GPSM2: variants seen among roughly 807,000 people sequenced by gnomAD.
GPSM2 encodes G protein-signaling modulator 2.
GPSM2 carries 58 observed loss-of-function variants against 78.4 expected under a neutral mutation model. The observed-to-expected ratio is 0.74, with a 90% CI of 0.60 to 0.92. GPSM2 has a LOEUF of 0.92. Among genes scored for constraint, GPSM2 ranks in the 40% least tolerant of loss-of-function variants. GPSM2 has a pLI of 0.00. For missense variants in GPSM2, 700 were observed against 815.5 expected, an observed-to-expected ratio of 0.86 and a Z score of 1.73; for synonymous variants, 224 against 280.2, an observed-to-expected ratio of 0.80 and a Z score of 2.00.
At chr1:108,881,032 A>G (rs1446475422) in intron 1 of GPSM2, among the ~76,000 whole-genome samples, 2 of 152,204 alleles carry the variant, frequency 1.3e-5, no homozygotes, top group Non-Finnish European at 2.9e-5. Flanking sequence ...CATACCTTGG[A>G]CAGTGCCTGG....
intron 14 of GPSM2, among the ~76,000 whole-genome samples, chr1:108,928,952 G>A (rs1194530223): frequency 2.0e-5 from 3 of 148,530 alleles, no homozygotes; most frequent in African/African-American, 7.5e-5. Context: ...TCACACCACT[G>A]CAGTCCTGCC....
intron 14 of GPSM2, among the ~76,000 whole-genome samples, chr1:108,928,352 CTAAG>C (rs1373191797): frequency 4.6e-5 from 7 of 152,130 alleles, no homozygotes. Flanking sequence ...AGTCTAGGAA[CTAAG>C]TGAGGAAGTC....
intron 10 of GPSM2, among the ~76,000 whole-genome samples, chr1:108,905,467 C>G (rs1649153915): frequency 6.6e-6 from 1 of 152,182 alleles, no homozygotes; most frequent in African/African-American, 2.4e-5. Flanking sequence ...CACATGTCAG[C>G]TTACTTGATT....
At chr1:108,890,927 T>C (rs1279623904) in intron 2 of GPSM2, among the ~76,000 whole-genome samples, 1 of 152,240 alleles carries the variant, frequency 6.6e-6, no homozygotes, top group Non-Finnish European at 1.5e-5. Flanking sequence ...TAATTTTTTA[T>C]GTGTGATAAT....
chr1:108,898,743 A>T lies in GPSM2; in HGVS notation c.659A>T (p.Asp220Val). 1 of 1,613,958 alleles carries T rather than the reference A, an allele frequency of 6.2e-7. No individual in the cohort carries two copies. Among genetic ancestry groups the T allele is most frequent in the Non-Finnish European group, 8.5e-7 (1 of 1,179,832 alleles). The change falls in exon 6 of 15, where the codon GAT becomes GTT. Residue 220 changes from aspartate (D) to valine (V), a missense_variant. Coordinates refer to ENST00000264126, the MANE Select transcript of GPSM2 (RefSeq NM_013296.5). Reference sequence around the variant, plus strand: ...CATTACCTCCTTGGCAACTTCAGGGATGCAGTTATAGCTCATGAGCAGGTA... The same window carrying T: ...CATTACCTCCTTGGCAACTTCAGGGTTGCAGTTATAGCTCATGAGCAGGTA... ...NTHYLLGNFR[D>V]AVIAHEQRLL... is the part of the protein sequence containing the mutation.
Position 108,901,828 on chromosome 1 carries a change from C to A in GPSM2, c.836C>A (p.Ala279Asp). 1 of 1,612,326 alleles carries A rather than the reference C, an allele frequency of 6.2e-7. No homozygotes were observed. Among genetic ancestry groups the A allele is most frequent in the Non-Finnish European group, 8.5e-7 (1 of 1,178,382 alleles). Reference protein sequence around the residue: ...LLLARQLKDRAVEAQSCYSLG... With the variant: ...LLLARQLKDRDVEAQSCYSLG... Reference sequence around the variant, plus strand: ...TTGGCCCGACAGCTTAAAGACCGAGCTGTAGAAGCACAGTCTTGTTACAGT... The same window carrying A: ...TTGGCCCGACAGCTTAAAGACCGAGATGTAGAAGCACAGTCTTGTTACAGT... The change falls in exon 8 of 15, where the codon GCT (alanine) becomes GAT (aspartate). Residue 279 changes from alanine to aspartate, a missense_variant. Ala to Asp is a moderately radical substitution (Grantham distance 126). Coordinates refer to ENST00000264126, the MANE Select transcript of GPSM2 (RefSeq NM_013296.5).
intron 10 of GPSM2, chr1:108,909,902 C>CAAAAAAA (rs34151964): frequency 1.0e-3 from 51 of 50,488 alleles, no homozygotes; most frequent in South Asian, 1.5e-3. Context: ...ACGCCATCTC[C>CAAAAAAA]AAAAAAAAAA....
intron 7 of GPSM2, among the ~76,000 whole-genome samples, chr1:108,899,339 T>C (rs1373224783): frequency 6.6e-6 from 1 of 152,236 alleles, no homozygotes; most frequent in Non-Finnish European, 1.5e-5. Flanking sequence ...CTGTTTAGCA[T>C]ATGTGGTGTA....
At position 108,914,362 on chromosome 1, in the gene GPSM2, G is replaced by A. The variant is rs184590650; in HGVS notation, c.1217G>A (p.Arg406Gln). 38 of 1,612,474 alleles carry A rather than the reference G, an allele frequency of 2.4e-5. No homozygotes were observed. Among genetic ancestry groups the A allele is most frequent in the Middle Eastern group, 1.7e-4 (1 of 6,048 alleles). The part of the protein sequence containing the change: ...LNGVRPKLGR[R>Q]HSMENMELMK... ...GGTGTACGCCCCAAGTTGGGACGCC[G>A]GCATAGTATGGAAAATATGGAACTT... The change falls in exon 11 of 15, where the codon CGG becomes CAG. Residue 406 changes from arginine (R) to glutamine (Q), a missense_variant. Arg to Gln is a conservative substitution (Grantham distance 43). Transcript: ENST00000264126.
intron 4 of GPSM2, 22 bp downstream of exon 4, chr1:108,897,649 G>A (rs1448954241): frequency 3.7e-6 from 6 of 1,603,824 alleles, no homozygotes; most frequent in Admixed American, 1.7e-5. Context: ...GCATTAGATG[G>A]TAGGCCTAAT....
chr1:108,900,519 G>A (rs1406346263), intron 7 of GPSM2, among the ~76,000 whole-genome samples: 2 of 152,134 alleles, frequency 1.3e-5, no homozygotes, highest in East Asian at 1.9e-4. Flanking sequence ...GATTACAGGC[G>A]TGAACCACCA....
intron 10 of GPSM2, among the ~76,000 whole-genome samples, chr1:108,912,935 A>G (rs1402555560): frequency 6.6e-6 from 1 of 151,950 alleles, no homozygotes; most frequent in African/African-American, 2.4e-5. Context: ...AAAGTGATGA[A>G]CAGTACACAA....
intron 5 of GPSM2, among the ~76,000 whole-genome samples, 176 bp from the exon 6 acceptor site, chr1:108,898,466 G>A (rs1415009620): frequency 6.6e-6 from 1 of 152,172 alleles, no homozygotes; most frequent in African/African-American, 2.4e-5. Flanking sequence ...TTAATAAAGT[G>A]TTCCCAGCTA....
chr1:108,917,530 G>A (rs922063997), intron 11 of GPSM2, among the ~76,000 whole-genome samples: 2 of 147,450 alleles, frequency 1.4e-5, no homozygotes, highest in African/African-American at 2.5e-5. Flanking sequence ...TCGTGCCACT[G>A]CACTCCAGCC....
Position 108,909,299 on chromosome 1 carries a change from T to C in GPSM2, c.1193-5039T>C, listed in dbSNP as rs188327256. Among the ~76,000 whole-genome samples, 1,330 of 152,310 alleles carry C rather than the reference T, an allele frequency of 8.7e-3. 8 individuals are homozygous for C. The highest frequency in any genetic ancestry group is 0.031 in the Middle Eastern group (9 of 294). The stretch of plus-strand genomic sequence containing the variant: ...GAAATATATTGACCTAACTGGTCAA[T>C]TTCCATTATTTTTAAGTATTCATGA... On this transcript the variant is annotated intron_variant, in intron 10 of 14. Coordinates refer to ENST00000264126, the MANE Select transcript of GPSM2 (RefSeq NM_013296.5).
intron 2 of GPSM2, among the ~76,000 whole-genome samples, chr1:108,888,825 A>G (rs1647759089): frequency 6.6e-6 from 1 of 152,226 alleles, no homozygotes; most frequent in South Asian, 2.1e-4. Flanking sequence ...ATGCCAAGGA[A>G]GTTAACATAG....
chr1:108,887,258 A>G (rs944658304), intron 2 of GPSM2, among the ~76,000 whole-genome samples: 10 of 152,120 alleles, frequency 6.6e-5, no homozygotes, highest in African/African-American at 2.4e-4. Context: ...TTTTTTTTTA[A>G]AAATGTGGGT....
chr1:108,908,070 A>G (rs1034223633), intron 10 of GPSM2, among the ~76,000 whole-genome samples: 26 of 152,256 alleles, frequency 1.7e-4, no homozygotes, highest in African/African-American at 6.3e-4. Flanking sequence ...TGCAGTTAGC[A>G]TTAAAAATAC....
intron 10 of GPSM2, among the ~76,000 whole-genome samples, chr1:108,911,383 CTGGGGGTGG>C (rs898175717): frequency 3.3e-5 from 5 of 152,002 alleles, no homozygotes; most frequent in African/African-American, 1.2e-4. Flanking sequence ...CAGACATTAG[CTGGGGGTGG>C]TGCAGGGCCC....
Sources: allele counts gnomAD v4.1 joint callset (sites outside exome capture counted in the v4.1 genomes callset), GRCh38; gene constraint gnomAD v4.1.1; transcripts MANE v1.5; gene names NCBI Gene and HGNC (gene_info 2026-07-23, HGNC 2026-07-21).